ABCB1: variants seen among roughly 807,000 people sequenced by gnomAD.
ABCB1 encodes ATP-dependent translocase ABCB1.
ABCB1 carries 69 observed loss-of-function variants against 142.0 expected under a neutral mutation model. The ratio of observed to expected loss-of-function variants is 0.49; its 90% CI spans 0.40 to 0.59. ABCB1 has a LOEUF of 0.59. Ranked by LOEUF, ABCB1 falls within the 20% of genes least tolerant of loss-of-function variation. The pLI is 0.00. For missense variants in ABCB1, 1,326 were observed against 1,554.7 expected (o/e 0.85, Z 2.47); for synonymous variants, 532 against 539.2 (o/e 0.99, Z 0.18).
chr7:87,539,194 T>C lies in ABCB1; in HGVS notation c.2397+74A>G. On this transcript the variant is annotated intron_variant, in intron 19 of 27. Coordinates refer to ENST00000622132, the MANE Select transcript of ABCB1 (RefSeq NM_001348946.2). ...CTAGGCCTGGGAAACATGACAGAGC[T>C]CCCACTGTCTGAGTCCAAGGGGCAC... 3 of 1,467,402 alleles carry C rather than the reference T, an allele frequency of 2.0e-6. No homozygotes were observed. In the South Asian group the frequency reaches 3.4e-5, roughly 17 times the overall value. The allele number at this position is 1,467,402 out of a possible 1,614,324, so 90.9% of individuals were successfully genotyped here. A position where few individuals can be genotyped will look rare whatever the true frequency, so the allele number is the denominator to read the frequency against.
chr7:87,647,902 A>C (rs1239348636), intron 1 of ABCB1, among the ~76,000 whole-genome samples: 1 of 152,080 alleles, frequency 6.6e-6, no homozygotes, highest in East Asian at 1.9e-4. Context: ...GGAAAATGAT[A>C]GGCCAGGCAC....
chr7:87,557,432 A>G (rs74682905), intron 8 of ABCB1, among the ~76,000 whole-genome samples: 4,536 of 152,340 alleles, frequency 0.03, 104 homozygotes, highest in Non-Finnish European at 0.041. Flanking sequence ...ACATTAGGCC[A>G]TCAGTTTGTA....
upstream of ABCB1, among the ~76,000 whole-genome samples, chr7:87,602,557 T>A (rs1244880649): frequency 6.6e-6 from 1 of 152,156 alleles, no homozygotes; most frequent in African/African-American, 2.4e-5. Flanking sequence ...ATTTATGTAA[T>A]CTTGTTGTAT....
intron 1 of ABCB1, among the ~76,000 whole-genome samples, chr7:87,663,476 G>A (rs771213031): frequency 6.6e-6 from 1 of 151,872 alleles, no homozygotes; most frequent in Non-Finnish European, 1.5e-5. Context: ...ATTGAATTCT[G>A]TGTTCTTTGT....
chr7:87,639,393 A>G (rs1247765277), intron 1 of ABCB1, among the ~76,000 whole-genome samples: 4 of 152,160 alleles, frequency 2.6e-5, no homozygotes, highest in African/African-American at 7.2e-5. Flanking sequence ...CATGATTTAT[A>G]TATGTCAGTT....
chr7:87,594,864 C>T lies in ABCB1; in HGVS notation c.117+902G>A, dbSNP rs542835611. On this transcript the variant is annotated intron_variant, in intron 3 of 27. Coordinates refer to ENST00000622132, the MANE Select transcript of ABCB1 (RefSeq NM_001348946.2). ...ATTTATTAAAATCCATTTTGCAAGA[C>T]AATCTATCCACTCCCTTACCTTAAA... 3.5e-4 allele frequency among the ~76,000 whole-genome samples: 54 copies of T among 152,222 alleles called. 1 individual carries two copies. In the South Asian group the frequency reaches 0.011, roughly 30 times the overall value.
intron 21 of ABCB1, chr7:87,521,376 C>A: frequency 1.7e-6 from 1 of 592,662 alleles, no homozygotes; most frequent in South Asian, 2.1e-5. Flanking sequence ...AAGGCTTACT[C>A]CTCTCTGCCT....
intron 21 of ABCB1, among the ~76,000 whole-genome samples, chr7:87,530,609 A>T (rs1181705580): frequency 6.6e-6 from 1 of 152,098 alleles, no homozygotes; most frequent in African/African-American, 2.4e-5. Flanking sequence ...AAGGGTAAAG[A>T]TAAACAGAAA....
intron 21 of ABCB1, among the ~76,000 whole-genome samples, chr7:87,530,854 A>C (rs535486224): frequency 5.6e-5 from 8 of 142,110 alleles, no homozygotes; most frequent in East Asian, 2.1e-4. Flanking sequence ...AGAAAGAAAG[A>C]AAGAAAGAAA....
In ABCB1 at chr7:87,542,037, T is replaced by C. The variant is rs116196078; in HGVS notation, c.2212-573A>G. 3.0e-3 allele frequency among the ~76,000 whole-genome samples: 458 copies of C among 152,294 alleles called. 1 individual carries two copies. Among genetic ancestry groups the C allele is most frequent in the African/African-American group, 9.8e-3 (409 of 41,556 alleles). On this transcript the variant is annotated intron_variant, in intron 17 of 27. Transcript: ENST00000622132. The stretch of plus-strand genomic sequence containing the variant: ...TTCCAGAGATAGTTATAAGGGCTAA[T>C]AGGATGTTTTGGACTCAAGGAACAC...
intron 19 of ABCB1, among the ~76,000 whole-genome samples, chr7:87,537,646 A>G (rs1441678606): frequency 4.6e-5 from 7 of 152,218 alleles, no homozygotes; most frequent in African/African-American, 1.4e-4. Context: ...CTTATTAGAC[A>G]TCCAATAGAG....
intron 1 of ABCB1, among the ~76,000 whole-genome samples, chr7:87,626,305 ATG>A (rs1191289552): frequency 8.2e-5 from 3 of 36,648 alleles, no homozygotes; most frequent in Non-Finnish European, 4.3e-5. Flanking sequence ...TGTCATATAT[ATG>A]TGTCGTATAT....
In ABCB1 at chr7:87,610,169, G is replaced by A. The variant is rs543395476; in HGVS notation, c.-330-9091C>T. ...TAATATGCCCTGACCTTGTAGTTGT[G>A]TTTCTTCTAATTGGCAACAAGTCAT... On this transcript the variant is annotated intron_variant, in intron 1 of 28. Coordinates refer to the ABCB1 transcript ENST00000265724. Among the ~76,000 whole-genome samples, 3 of 147,896 alleles carry A rather than the reference G, an allele frequency of 2.0e-5. No individual in the cohort carries two copies. The South Asian group carries it at 6.4e-4, about 32-fold the overall frequency.
chr7:87,552,770 A>C (rs1817134454), intron 9 of ABCB1, among the ~76,000 whole-genome samples: 1 of 152,062 alleles, frequency 6.6e-6, no homozygotes. Flanking sequence ...CTCCTGAAAA[A>C]GGGAATTGTT....
At chr7:87,536,608 G>A in intron 19 of ABCB1, 67 bp from the exon 20 acceptor site, 1 of 1,457,976 alleles carries the variant, frequency 6.9e-7, no homozygotes, top group Non-Finnish European at 9.6e-7. Context: ...CAAGAGGGCA[G>A]CGATGGGGTC....
At chr7:87,523,588 C>T (rs766944724) in intron 21 of ABCB1, among the ~76,000 whole-genome samples, 4 of 152,186 alleles carry the variant, frequency 2.6e-5, no homozygotes, top group Non-Finnish European at 5.9e-5. Context: ...CGTCACTGCA[C>T]TCTAGCCTGG....
At chr7:87,609,319 T>G (rs2130044773) in intron 1 of ABCB1, among the ~76,000 whole-genome samples, 1 of 151,984 alleles carries the variant, frequency 6.6e-6, no homozygotes, top group South Asian at 2.1e-4. Context: ...AATTTTAAGG[T>G]TATTTCTTTA....
intron 1 of ABCB1, among the ~76,000 whole-genome samples, chr7:87,652,671 A>C (rs1823703329): frequency 1.4e-5 from 2 of 141,582 alleles, no homozygotes; most frequent in African/African-American, 5.6e-5. Context: ...ATAATCTGTA[A>C]CTTTTGAGAT....
At chr7:87,630,939 C>A (rs73705282) in intron 1 of ABCB1, among the ~76,000 whole-genome samples, 55 of 152,186 alleles carry the variant, frequency 3.6e-4, no homozygotes, top group African/African-American at 1.2e-3. Context: ...ACACTGATTT[C>A]TGGGGACAGC....
Sources: gnomAD v4.1 joint callset for allele counts (sites outside exome capture counted in the v4.1 genomes callset) on GRCh38, gnomAD v4.1.1 for gene constraint, MANE v1.5 for transcripts, NCBI Gene and HGNC (gene_info 2026-07-23, HGNC 2026-07-21) for gene names.